The following DNAJC27 variants were observed in gnomAD, a reference collection of about 807,000 sequenced individuals.
DNAJC27 encodes the protein DnaJ heat shock protein family (Hsp40) member C27, also known as dnaJ homolog subfamily C member 27.
In DNAJC27, 25 loss-of-function variants were observed where a neutral mutation model predicts 31.4. That is an observed-to-expected ratio of 0.80 (90% CI 0.58 to 1.11). The LOEUF is 1.11. Ranked by LOEUF, DNAJC27 falls within the 50% of genes most tolerant of loss-of-function variation. DNAJC27 has a pLI of 0.00. For missense variants in DNAJC27, 356 were observed against 347.3 expected (o/e 1.02, Z -0.20); for synonymous variants, 106 against 112.7 (o/e 0.94, Z 0.37).
Position 24,971,706 on chromosome 2 carries a change from T to G in DNAJC27, c.87+112A>C, listed in dbSNP as rs575727051. 2.9e-5 allele frequency: 27 copies of G among 921,414 alleles called. No individual in the cohort carries two copies. The African/African-American group carries it at 3.9e-4, about 13-fold the overall frequency. 57.1% of individuals were successfully genotyped at this position (921,414 alleles called of 1,614,324 possible). The stretch of plus-strand genomic sequence containing the variant: ...CCCCTCGGCTGAGACCCGGGCCTGC[T>G]CGGGGGCGGAGAGGAGGCCGGGCCC... On this transcript the variant is annotated intron_variant, in intron 1 of 6. Transcript: ENST00000264711.
chr2:24,950,507 AT>A (rs1363049117), intron 6 of DNAJC27, among the ~76,000 whole-genome samples: 1 of 152,186 alleles, frequency 6.6e-6, no homozygotes, highest in Admixed American at 6.5e-5. Flanking sequence ...TAGTGATTGA[AT>A]TTTTTTCTTA....
rs1441203225 is a variant in DNAJC27, at chr2:24,945,344, T to C, written c.*2272A>G. ...CTAAGAATCAAGCTCAGGCTAAATTTCACCAACTCACACATAAGGATATGA... is the reference window on the plus strand; with the variant it reads ...CTAAGAATCAAGCTCAGGCTAAATTCCACCAACTCACACATAAGGATATGA... On this transcript the variant is annotated 3_prime_UTR_variant, in exon 7 of 7. Coordinates refer to ENST00000264711, the MANE Select transcript of DNAJC27 (RefSeq NM_016544.3). The C allele has an allele frequency of 6.6e-6, 1 of 152,190 alleles. No individual in the cohort carries two copies. Among genetic ancestry groups the C allele is most frequent in the African/African-American group, 2.4e-5 (1 of 41,432 alleles). 9.4% of individuals were successfully genotyped at this position (152,190 alleles called of 1,614,324 possible).
At chr2:24,952,157 A>G (rs150907105) in intron 5 of DNAJC27, among the ~76,000 whole-genome samples, 1 of 152,304 alleles carries the variant, frequency 6.6e-6, no homozygotes, top group Non-Finnish European at 1.5e-5. Context: ...AATGATGAAC[A>G]TTGTTAGAAA....
intron 3 of DNAJC27, among the ~76,000 whole-genome samples, chr2:24,962,468 C>G (rs889969067): frequency 6.6e-6 from 1 of 152,114 alleles, no homozygotes; most frequent in African/African-American, 2.4e-5. Context: ...GTTGGCCAGG[C>G]TGGTCTCGAA....
At chr2:24,971,742 A>G in intron 1 of DNAJC27, 76 bp downstream of exon 1, 1 of 1,335,824 alleles carries the variant, frequency 7.5e-7, no homozygotes, top group Non-Finnish European at 1.0e-6. Flanking sequence ...CAGGCTGTTG[A>G]GTGGCCGCCC....
rs1440468289 is a variant in DNAJC27 at position 24,957,853 on chromosome 2, T to C, written c.362A>G (p.His121Arg). ...AAATATAATATTTTCCATGTTTCCA[T>C]GAGGTCCAAGCTCTTGCTTCATTTC... ...LAEMKQELGP[H>R]GNMENIIFVV... Residue 121 changes from histidine to arginine, a missense_variant, in exon 4 of 7, where the codon CAT (histidine) becomes CGT (arginine). Transcript: ENST00000264711. 2 of 1,614,034 alleles carry C rather than the reference T, an allele frequency of 1.2e-6. No individual in the cohort carries two copies. The highest frequency in any genetic ancestry group is 2.2e-5 in the South Asian group (2 of 91,084).
intron 5 of DNAJC27, 41 bp from the exon 6 acceptor site, chr2:24,951,595 T>C (rs1357672231): frequency 5.1e-6 from 8 of 1,558,564 alleles, no homozygotes; most frequent in African/African-American, 2.7e-5. Flanking sequence ...AATGATTTTG[T>C]GAAAATAGGA....
In DNAJC27 at chr2:24,945,082, GAATTTA is replaced by G. The variant is rs1665615239; in HGVS notation, c.*2528_*2533del. ...ACTACAAAGCACACATTTGCACCAA[GAATTTA>G]AATTAATGCATAGATGTCTGTGAAA... On this transcript the variant is annotated 3_prime_UTR_variant, in exon 7 of 7. Transcript: ENST00000264711. The G allele has an allele frequency of 6.6e-6, 1 of 152,158 alleles. No homozygotes were observed. Among genetic ancestry groups the G allele is most frequent in the South Asian group, 2.1e-4 (1 of 4,812 alleles). The allele number at this position is 152,158 out of a possible 1,614,324, so 9.4% of individuals were successfully genotyped here. A position where few individuals can be genotyped will look rare whatever the true frequency, so the allele number is the denominator to read the frequency against.
chr2:24,962,208 CTT>C (rs375585955), intron 3 of DNAJC27, among the ~76,000 whole-genome samples: 1 of 65,106 alleles, frequency 1.5e-5, no homozygotes, highest in African/African-American at 4.5e-5. Flanking sequence ...AAACAACATA[CTT>C]TTTTTCTTTT....
In DNAJC27 at chr2:24,971,925, C is replaced by G. The variant is rs199963470; in HGVS notation, c.-21G>C. ...TCCATGGCCCTGGCTCTCTCGGGGC[C>G]ACCCGCCTCGGTCTCTTCTTGTGCA... On this transcript the variant is annotated 5_prime_UTR_variant, in exon 1 of 7. Transcript: ENST00000264711. 886 of 1,550,670 alleles carry G rather than the reference C, an allele frequency of 5.7e-4. 7 individuals carry two copies. In the African/African-American group the frequency reaches 0.011, roughly 18 times the overall value.
chr2:24,962,696 G>A (rs570354110), intron 3 of DNAJC27, among the ~76,000 whole-genome samples: 20 of 152,284 alleles, frequency 1.3e-4, no homozygotes, highest in African/African-American at 4.1e-4. Context: ...AGGGAAATAT[G>A]TAGCATTAAA....
chr2:24,955,513 AAAAC>A (rs1337283633), intron 5 of DNAJC27, among the ~76,000 whole-genome samples: 1 of 152,222 alleles, frequency 6.6e-6, no homozygotes, highest in African/African-American at 2.4e-5. Flanking sequence ...TAGTAAAACA[AAAAC>A]AAAACAGAAA....
chr2:24,969,504 G>A, intron 1 of DNAJC27: 1 of 166,770 alleles, frequency 6.0e-6, no homozygotes, highest in South Asian at 1.3e-4. Context: ...TCTTTTTAGA[G>A]TCTCACTCTG....
intron 3 of DNAJC27, chr2:24,958,505 C>A: frequency 3.0e-6 from 1 of 333,302 alleles, no homozygotes; most frequent in South Asian, 2.6e-5. Flanking sequence ...GAAAAGAGCA[C>A]AGGCTCTGGA....
chr2:24,967,032 G>A (rs867938557), intron 2 of DNAJC27, among the ~76,000 whole-genome samples, 179 bp downstream of exon 2: 2 of 152,192 alleles, frequency 1.3e-5, no homozygotes, highest in African/African-American at 4.8e-5. Flanking sequence ...TACACAGGCT[G>A]AATGAATGAT....
At chr2:24,967,547 A>G (rs1357317669) in intron 1 of DNAJC27, among the ~76,000 whole-genome samples, 1 of 152,126 alleles carries the variant, frequency 6.6e-6, no homozygotes, top group Non-Finnish European at 1.5e-5. Context: ...CAAAAATACA[A>G]AAATCAGCCG....
intron 6 of DNAJC27, among the ~76,000 whole-genome samples, chr2:24,950,995 T>C (rs939352550): frequency 3.3e-5 from 5 of 152,172 alleles, no homozygotes; most frequent in Admixed American, 6.5e-5. Flanking sequence ...TTCTTGAACA[T>C]GTTTAATCTC....
intron 4 of DNAJC27, 101 bp from the exon 5 acceptor site, chr2:24,957,266 A>G (rs1318177906): frequency 7.6e-7 from 1 of 1,321,822 alleles, no homozygotes; most frequent in East Asian, 2.5e-5. Flanking sequence ...AGGCAAAGCT[A>G]TTCTTAGTAA....
Position 24,971,864 on chromosome 2 carries a change from G to A in DNAJC27, c.41C>T (p.Ser14Phe). The change falls in exon 1 of 7, where the codon TCT (serine) becomes TTT (phenylalanine). Residue 14 changes from serine to phenylalanine, a missense_variant. Ser to Phe is a radical substitution (Grantham distance 155). Coordinates refer to ENST00000264711, the MANE Select transcript of DNAJC27 (RefSeq NM_016544.3). ...NMPKRKEPGR[S>F]LRIKVISMGN... is the part of the protein sequence containing the mutation. Reference sequence around the variant, plus strand: ...CATGGAGATGACTTTGATGCGGAGAGACCTGCCGGGCTCCTTCCGCTTCGG... The same window carrying A: ...CATGGAGATGACTTTGATGCGGAGAAACCTGCCGGGCTCCTTCCGCTTCGG... 6.2e-7 allele frequency: 1 copy of A among 1,609,532 alleles called. No individual in the cohort carries two copies. Among genetic ancestry groups the A allele is most frequent in the Non-Finnish European group, 8.5e-7 (1 of 1,178,414 alleles).
Sources: allele counts gnomAD v4.1 joint callset (sites outside exome capture counted in the v4.1 genomes callset), GRCh38; gene constraint gnomAD v4.1.1; transcripts MANE v1.5; gene names NCBI Gene and HGNC (gene_info 2026-07-23, HGNC 2026-07-21).